SCHIP1: variants seen among roughly 807,000 people sequenced by gnomAD.
SCHIP1 encodes schwannomin-interacting protein 1.
SCHIP1 carries 8 observed loss-of-function variants against 29.7 expected under a neutral mutation model. The ratio of observed to expected loss-of-function variants is 0.27; its 90% CI spans 0.16 to 0.49. The LOEUF (loss-of-function observed/expected upper bound fraction) is 0.49, where lower values mean the gene tolerates loss of function less well. Ranked by LOEUF, SCHIP1 falls within the 20% of genes least tolerant of loss-of-function variation. The pLI is 0.99. For synonymous variants in SCHIP1, 76 were observed against 94.9 expected, an observed-to-expected ratio of 0.80 and a Z score of 1.16; for missense variants, 193 against 294.6, an observed-to-expected ratio of 0.66 and a Z score of 2.52.
At chr3:159,352,035 A>C in the SCHIP1 span, among the ~76,000 whole-genome samples, 3 of 152,196 alleles carry the variant, frequency 2.0e-5, no homozygotes, top group Non-Finnish European at 4.4e-5. Context: ...AAACACATGG[A>C]AGAATAAAAG....
chr3:159,499,987 A>G, the SCHIP1 span, among the ~76,000 whole-genome samples: 117 of 149,616 alleles, frequency 7.8e-4, 1 homozygote, highest in African/African-American at 2.8e-3. Flanking sequence ...CATTTTATAC[A>G]TTTTTTTTTT....
upstream of SCHIP1, among the ~76,000 whole-genome samples, chr3:159,839,077 T>TGGCCCTGAAGC (rs1743953460): frequency 6.6e-6 from 1 of 152,100 alleles, no homozygotes; most frequent in African/African-American, 2.4e-5. Context: ...AGTCCTGAAG[T>TGGCCCTGAAGC]GGCCCTGAAG....
chr3:159,622,882 C>T, the SCHIP1 span, among the ~76,000 whole-genome samples: 1 of 152,112 alleles, frequency 6.6e-6, no homozygotes, highest in Non-Finnish European at 1.5e-5. Flanking sequence ...TGTGCCACTG[C>T]ACTCCAGCCT....
At chr3:159,694,537 C>CAGGAAAGAAAGAAAGAAAGAAAGA in the SCHIP1 span, among the ~76,000 whole-genome samples, 6 of 119,460 alleles carry the variant, frequency 5.0e-5, no homozygotes, top group African/African-American at 2.0e-4. Flanking sequence ...AAAGAAAAGA[C>CAGGAAAGAAAGAAAGAAAGAAAGA]AAGAAAGAAA....
At chr3:159,686,541 A>T in the SCHIP1 span, among the ~76,000 whole-genome samples, 1 of 152,234 alleles carries the variant, frequency 6.6e-6, no homozygotes, top group African/African-American at 2.4e-5. Context: ...TATTGGAATT[A>T]CCACACACAG....
the SCHIP1 span, among the ~76,000 whole-genome samples, chr3:159,819,278 A>G: frequency 6.6e-6 from 1 of 152,124 alleles, no homozygotes; most frequent in Non-Finnish European, 1.5e-5. Flanking sequence ...GGATGGATGA[A>G]GCTGCTGTGC....
chr3:159,711,234 G>C, the SCHIP1 span, among the ~76,000 whole-genome samples: 3 of 126,728 alleles, frequency 2.4e-5, 1 homozygote, highest in African/African-American at 8.4e-5. Context: ...AGTGGCGGGC[G>C]CCTGTAGTCC....
chr3:159,407,800 A>C, the SCHIP1 span, among the ~76,000 whole-genome samples: 1 of 152,242 alleles, frequency 6.6e-6, no homozygotes, highest in Non-Finnish European at 1.5e-5. Flanking sequence ...GTCAATGAAG[A>C]AATTAAGAAG....
chr3:159,616,684 A>C, the SCHIP1 span, among the ~76,000 whole-genome samples: 2 of 152,188 alleles, frequency 1.3e-5, no homozygotes, highest in Non-Finnish European at 2.9e-5. Flanking sequence ...CTGTGGTCAC[A>C]AATAACCCCA....
At chr3:159,358,290 C>T in the SCHIP1 span, among the ~76,000 whole-genome samples, 12 of 152,158 alleles carry the variant, frequency 7.9e-5, no homozygotes, top group African/African-American at 1.4e-4. Flanking sequence ...ATTCCCAACC[C>T]GAGGGGCTCT....
the SCHIP1 span, among the ~76,000 whole-genome samples, chr3:159,405,900 AGAAAAG>A: frequency 6.6e-6 from 1 of 151,420 alleles, no homozygotes; most frequent in Non-Finnish European, 1.5e-5. Context: ...AAAAAAGAAA[AGAAAAG>A]GAAAATGCAC....
chr3:159,325,886 T>C, the SCHIP1 span, among the ~76,000 whole-genome samples: 7 of 152,236 alleles, frequency 4.6e-5, no homozygotes, highest in Admixed American at 1.3e-4. Context: ...GCTTTATATG[T>C]TGAAAAGTTT....
At chr3:159,273,917 G>A in the SCHIP1 span, 2 of 1,610,592 alleles carry the variant, frequency 1.2e-6, no homozygotes, top group Non-Finnish European at 1.7e-6. Context: ...TCTATTTTAG[G>A]TGTATCATAT....
At chr3:159,589,812 T>C in the SCHIP1 span, among the ~76,000 whole-genome samples, 1 of 152,166 alleles carries the variant, frequency 6.6e-6, no homozygotes, top group East Asian at 1.9e-4. Context: ...TCTCATTAGA[T>C]GTCAGAATTT....
At chr3:159,532,611 G>A in the SCHIP1 span, among the ~76,000 whole-genome samples, 4 of 152,166 alleles carry the variant, frequency 2.6e-5, no homozygotes, top group East Asian at 3.8e-4. Context: ...GGAAAAAAAT[G>A]TCTAAAACAC....
At chr3:159,495,929 G>C in the SCHIP1 span, among the ~76,000 whole-genome samples, 1 of 152,154 alleles carries the variant, frequency 6.6e-6, no homozygotes, top group Non-Finnish European at 1.5e-5. Flanking sequence ...GAATACAACA[G>C]AGCCCTCAGA....
At chr3:159,594,123 A>C in the SCHIP1 span, among the ~76,000 whole-genome samples, 4 of 152,252 alleles carry the variant, frequency 2.6e-5, no homozygotes, top group East Asian at 7.7e-4. Flanking sequence ...CCCAGGATGC[A>C]GCTGCCTTTA....
chr3:159,394,509 G>A, the SCHIP1 span, among the ~76,000 whole-genome samples: 1 of 152,166 alleles, frequency 6.6e-6, no homozygotes, highest in Admixed American at 6.5e-5. Flanking sequence ...AATTTATTGA[G>A]AGTTTTTAGC....
At chr3:159,328,387 A>C in the SCHIP1 span, among the ~76,000 whole-genome samples, 1 of 152,166 alleles carries the variant, frequency 6.6e-6, no homozygotes, top group Admixed American at 6.5e-5. Flanking sequence ...TGGGGCTGTG[A>C]CAGAAGTATG....
Sources: gnomAD v4.1 joint callset for allele counts (sites outside exome capture counted in the v4.1 genomes callset) on GRCh38, gnomAD v4.1.1 for gene constraint, MANE v1.5 for transcripts, NCBI Gene and HGNC (gene_info 2026-07-23, HGNC 2026-07-21) for gene names.